Variants in MDN1 observed in about 807,000 individuals in gnomAD.
MDN1 encodes midasin AAA ATPase 1, also known as midasin.
A neutral mutation model predicts 669.2 loss-of-function variants in MDN1; 266 were observed. That is an observed-to-expected ratio of 0.40 (90% CI 0.36 to 0.44). The LOEUF (loss-of-function observed/expected upper bound fraction) is 0.44, where lower values mean the gene tolerates loss of function less well. MDN1 is among the 20% of genes least tolerant of loss of function. The probability of loss-of-function intolerance (pLI) is 1.00; values close to 1 mark genes in which losing one functional copy is unlikely to be tolerated. For synonymous variants in MDN1, 2,385 were observed against 2,457.1 expected (o/e 0.97, Z 0.87); for missense variants, 5,940 against 6,754.0 (o/e 0.88, Z 4.22).
chr6:89,749,721 T>C lies in MDN1; in HGVS notation c.3437A>G (p.Tyr1146Cys), dbSNP rs530098856. The change falls in exon 25 of 102, where the codon TAT (tyrosine) becomes TGT (cysteine). Residue 1146 changes from tyrosine (Y) to cysteine (C), a missense_variant. Tyr to Cys is a radical substitution (Grantham distance 194, BLOSUM62 -2). This residue lies in a region of MDN1 where 2,292 missense variants were observed against 2,638.3 expected (regional missense o/e 0.87). Transcript: ENST00000369393. ...GVLIDAMRKG[Y>C]WIILDELNLA... ...ATTTAATTCATCTAAAATAATCCAATAGCCTTTTCTCATGGCATCAATAAG... is the reference window on the plus strand; with the variant it reads ...ATTTAATTCATCTAAAATAATCCAACAGCCTTTTCTCATGGCATCAATAAG... 3.7e-6 allele frequency: 6 copies of C among 1,613,292 alleles called. No individual in the cohort carries two copies. The highest frequency in any genetic ancestry group is 1.7e-5 in the Admixed American group (1 of 59,982).
At position 89,745,420 on chromosome 6, in the gene MDN1, G is replaced by T; in HGVS notation, c.4040-9C>A. On this transcript the variant is annotated splice_polypyrimidine_tract_variant and intron_variant, in intron 28 of 101. Coordinates refer to ENST00000369393, the MANE Select transcript of MDN1 (RefSeq NM_014611.3). ...CTGAGTAGACAATTTACCTATCCAAGGAAAAATAAATATTTAGATTCTAAT... is the reference window on the plus strand; with the variant it reads ...CTGAGTAGACAATTTACCTATCCAATGAAAAATAAATATTTAGATTCTAAT... 1.2e-6 allele frequency: 2 copies of T among 1,613,750 alleles called. No homozygotes were observed. The highest frequency in any genetic ancestry group is 1.7e-6 in the Non-Finnish European group (2 of 1,179,876).
rs1768299214 is a variant in MDN1 at position 89,810,019 on chromosome 6, A to AT, written c.103-6466_103-6465insA. Among the ~76,000 whole-genome samples, 10 of 140,738 alleles carry AT rather than the reference A, an allele frequency of 7.1e-5. No individual in the cohort carries two copies. The South Asian group carries it at 2.2e-3, about 31-fold the overall frequency. 92.3% of individuals were successfully genotyped at this position (140,738 alleles called of 152,430 possible). Reference sequence around the variant, plus strand: ...AAAAAAAAAAAAAAAAAAAAAAAAAAAAAAAAATTAAGTTTGGAAGATTAT... The same window carrying AT: ...AAAAAAAAAAAAAAAAAAAAAAAAAATAAAAAAATTAAGTTTGGAAGATTAT... On this transcript the variant is annotated intron_variant, in intron 1 of 101. Transcript: ENST00000369393.
At chr6:89,735,285 C>T (rs1815888070) in intron 33 of MDN1, among the ~76,000 whole-genome samples, 1 of 146,284 alleles carries the variant, frequency 6.8e-6, no homozygotes, top group Admixed American at 6.9e-5. Context: ...GTATTGTTTA[C>T]AAAAGTTTGA....
At chr6:89,749,878 CTT>C (rs1312592387) in intron 24 of MDN1, 127 bp from the exon 25 acceptor site, 1 of 763,470 alleles carries the variant, frequency 1.3e-6, no homozygotes, top group Non-Finnish European at 2.1e-6. Flanking sequence ...TGTAGCTAGT[CTT>C]GCCTCAAAAC....
intron 56 of MDN1, 129 bp downstream of exon 56, chr6:89,700,517 T>C (rs541964305): frequency 1.2e-6 from 1 of 858,264 alleles, no homozygotes; most frequent in Admixed American, 2.8e-5. Flanking sequence ...CTGACACTTA[T>C]ATAAAGGTAT....
chr6:89,718,860 G>A lies in MDN1; in HGVS notation c.6228C>T (p.Val2076=), dbSNP rs768929883. 1 of 1,614,080 alleles carries A rather than the reference G, an allele frequency of 6.2e-7. No individual in the cohort carries two copies. The highest frequency in any genetic ancestry group is 1.1e-5 in the South Asian group (1 of 91,078). The change falls in exon 42 of 102, where the codon GTC becomes GTT. Residue 2076 remains valine (V), a synonymous_variant. Transcript: ENST00000369393. ...GGCCAGTAAGGTGTGCCAGAAGCTGGACCAGGCTGGTCTTGCCCACAGAGG... is the reference window on the plus strand; with the variant it reads ...GGCCAGTAAGGTGTGCCAGAAGCTGAACCAGGCTGGTCTTGCCCACAGAGG... ...GPASVGKTSL[V]QLLAHLTGHT...
In MDN1 at chr6:89,745,549, T is replaced by A. The variant is rs542993820; in HGVS notation, c.3982A>T (p.Lys1328Ter). 1 of 1,614,242 alleles carries A rather than the reference T, an allele frequency of 6.2e-7. No homozygotes were observed. The highest frequency in any genetic ancestry group is 2.2e-5 in the East Asian group (1 of 44,892). The change falls in exon 28 of 102, where the codon AAG (lysine) becomes TAG (stop). Residue 1328 changes from lysine to a stop codon, truncating the protein, a stop_gained. Coordinates refer to ENST00000369393, the MANE Select transcript of MDN1 (RefSeq NM_014611.3). LOFTEE classifies it high-confidence loss of function. Reference sequence around the variant, plus strand: ...AGAGATTGAGGACACAATTTTTTCTTGAAATGTTTCTCAAGGACTTCTTGA... The same window carrying A: ...AGAGATTGAGGACACAATTTTTTCTAGAAATGTTTCTCAAGGACTTCTTGA... ...VIQEVLEKHF[K>*]KKLCPQSLFS...
At chr6:89,755,319 G>C (rs116272930) in intron 20 of MDN1, among the ~76,000 whole-genome samples, 1 of 149,098 alleles carries the variant, frequency 6.7e-6, no homozygotes, top group Non-Finnish European at 1.5e-5. Context: ...TAAGGCTGGC[G>C]TATCACTTGA....
chr6:89,699,478 A>C, intron 58 of MDN1, 123 bp downstream of exon 58: 4 of 1,185,968 alleles, frequency 3.4e-6, no homozygotes, highest in South Asian at 2.0e-5. Context: ...GGCAATTCAA[A>C]AAAACCTGAG....
At chr6:89,652,416 G>A in intron 94 of MDN1, 135 bp from the exon 95 acceptor site, 1 of 679,012 alleles carries the variant, frequency 1.5e-6, no homozygotes, top group Non-Finnish European at 2.6e-6. Flanking sequence ...ACTTAATTCA[G>A]CAAATACAGT....
intron 18 of MDN1, 96 bp from the exon 19 acceptor site, chr6:89,758,447 A>G (rs1228731756): frequency 1.1e-5 from 11 of 981,496 alleles, no homozygotes; most frequent in African/African-American, 3.3e-5. Context: ...TGCTCACACC[A>G]TCCTTGTCTT....
chr6:89,761,038 C>A (rs1389198207), intron 17 of MDN1, among the ~76,000 whole-genome samples: 1 of 152,108 alleles, frequency 6.6e-6, no homozygotes, highest in Non-Finnish European at 1.5e-5. Flanking sequence ...TGGTGGCATG[C>A]ACCTGTAGTC....
At chr6:89,678,314 G>A (rs548244686) in intron 75 of MDN1, among the ~76,000 whole-genome samples, 48 of 152,210 alleles carry the variant, frequency 3.2e-4, no homozygotes, top group African/African-American at 1.1e-3. Context: ...CTGGGCAACA[G>A]AGCGAGACTC....
At chr6:89,699,181 C>A in intron 58 of MDN1, 146 bp from the exon 59 acceptor site, 1 of 683,320 alleles carries the variant, frequency 1.5e-6, no homozygotes, top group Non-Finnish European at 2.4e-6. Context: ...CCACCCCAGT[C>A]AACTTGGTCA....
intron 33 of MDN1, among the ~76,000 whole-genome samples, chr6:89,734,657 C>T (rs764807007): frequency 4.0e-4 from 39 of 96,864 alleles, no homozygotes; most frequent in Non-Finnish European, 5.7e-4. Flanking sequence ...CAGACATTGT[C>T]TCAAAGGAAG....
At chr6:89,775,117 G>C (rs886810607) in intron 12 of MDN1, among the ~76,000 whole-genome samples, 10 of 152,260 alleles carry the variant, frequency 6.6e-5, no homozygotes, top group Middle Eastern at 3.4e-3. Flanking sequence ...GGAAATCATG[G>C]TACATCTGAC....
intron 76 of MDN1, among the ~76,000 whole-genome samples, chr6:89,676,688 C>T (rs1187705973): frequency 6.6e-6 from 1 of 152,170 alleles, no homozygotes; most frequent in African/African-American, 2.4e-5. Flanking sequence ...AAGCCCACTT[C>T]GTGAATTTTC....
At chr6:89,741,004 G>A (rs1816267948) in intron 31 of MDN1, among the ~76,000 whole-genome samples, 1 of 152,192 alleles carries the variant, frequency 6.6e-6, no homozygotes. Context: ...GGCCAAGGTG[G>A]GGAGATCACT....
chr6:89,700,280 A>G lies in MDN1; in HGVS notation c.8653T>C (p.Phe2885Leu). ...EDVSLDELKN[F>L]VHAQCLELKA... ...AGTTCTAAACACTGAGCATGCACAA[A>G]ATTCTTCAATTCATCTGGACAAAAA... The change falls in exon 57 of 102, where the codon TTT (phenylalanine) becomes CTT (leucine). Residue 2885 changes from phenylalanine to leucine, a missense_variant. Around this residue, in one of 5 missense-constraint regions of MDN1, gnomAD observed 2,292 missense variants for 2,638.3 expected, o/e 0.87. Transcript: ENST00000369393. The G allele has an allele frequency of 6.2e-7, 1 of 1,613,952 alleles. No homozygotes were observed. The highest frequency in any genetic ancestry group is 2.2e-5 in the East Asian group (1 of 44,888).
Sources: gnomAD v4.1 joint callset for allele counts (sites outside exome capture counted in the v4.1 genomes callset) on GRCh38, gnomAD v4.1.1 for gene constraint, gnomAD v4.1.1 regional missense constraint, MANE v1.5 for transcripts, NCBI Gene and HGNC (gene_info 2026-07-23, HGNC 2026-07-21) for gene names.